MSI2: variants seen among roughly 807,000 people sequenced by gnomAD.
MSI2 encodes the protein musashi RNA binding protein 2.
In MSI2, 17 loss-of-function variants were observed where a neutral mutation model predicts 45.6. That is an observed-to-expected ratio of 0.37 (90% CI 0.26 to 0.56). The LOEUF (loss-of-function observed/expected upper bound fraction) is 0.56. Ranked by LOEUF, MSI2 falls within the 20% of genes least tolerant of loss-of-function variation. MSI2 has a pLI of 0.77. For synonymous variants in MSI2, 156 were observed against 158.2 expected, an observed-to-expected ratio of 0.99 and a Z score of 0.11; for missense variants, 293 against 444.2, an observed-to-expected ratio of 0.66 and a Z score of 3.06.
chr17:57,301,163 T>G (rs973146189), intron 5 of MSI2, among the ~76,000 whole-genome samples: 4 of 152,218 alleles, frequency 2.6e-5, no homozygotes, highest in Admixed American at 6.5e-5. Context: ...ACAGGGATTT[T>G]TCTAGAATAA....
intron 6 of MSI2, among the ~76,000 whole-genome samples, chr17:57,473,644 C>T (rs1019092945): frequency 4.6e-5 from 7 of 152,216 alleles, no homozygotes; most frequent in Non-Finnish European, 8.8e-5. Context: ...ATGCACTGGC[C>T]TCTCTTCCGG....
chr17:57,389,801 T>C (rs1434222072), intron 5 of MSI2, among the ~76,000 whole-genome samples: 1 of 152,224 alleles, frequency 6.6e-6, no homozygotes, highest in Non-Finnish European at 1.5e-5. Flanking sequence ...CTGTGACATA[T>C]AGGTATTGCC....
intron 5 of MSI2, among the ~76,000 whole-genome samples, chr17:57,340,518 G>C (rs1915047821): frequency 6.6e-6 from 1 of 152,218 alleles, no homozygotes; most frequent in Admixed American, 6.5e-5. Flanking sequence ...ATGAGAAATA[G>C]AGGGGCATTG....
At chr17:57,345,262 T>G (rs1282920537) in intron 5 of MSI2, among the ~76,000 whole-genome samples, 1 of 152,180 alleles carries the variant, frequency 6.6e-6, no homozygotes, top group Non-Finnish European at 1.5e-5. Context: ...TTTTCTTCCT[T>G]TTCCCTTCCC....
intron 6 of MSI2, among the ~76,000 whole-genome samples, chr17:57,466,529 C>T (rs566858435): frequency 9.9e-5 from 15 of 152,222 alleles, no homozygotes; most frequent in African/African-American, 3.6e-4. Flanking sequence ...TCTTGCCCAG[C>T]TCTTTTTTCC....
At chr17:57,691,735 T>A in the MSI2 span, among the ~76,000 whole-genome samples, 1 of 152,244 alleles carries the variant, frequency 6.6e-6, no homozygotes, top group Admixed American at 6.5e-5. Flanking sequence ...GCAGCTTTTT[T>A]ATAGATTCAT....
At chr17:57,383,668 T>A (rs370325180) in intron 5 of MSI2, among the ~76,000 whole-genome samples, 8 of 148,992 alleles carry the variant, frequency 5.4e-5, no homozygotes, top group African/African-American at 2.0e-4. Flanking sequence ...CTAAAAAAAA[T>A]AAAATAATAA....
intron 5 of MSI2, among the ~76,000 whole-genome samples, chr17:57,371,865 A>G (rs1366711770): frequency 2.0e-5 from 3 of 151,546 alleles, no homozygotes; most frequent in African/African-American, 7.3e-5. Flanking sequence ...GAGATTTTAC[A>G]TATAAATATA....
intron 6 of MSI2, among the ~76,000 whole-genome samples, chr17:57,419,145 C>T (rs1031522611): frequency 4.0e-5 from 6 of 149,148 alleles, no homozygotes; most frequent in Admixed American, 1.3e-4. Context: ...TCTGAAAATT[C>T]GTCATTTCTG....
At chr17:57,690,178 A>G in the MSI2 span, among the ~76,000 whole-genome samples, 1,032 of 149,746 alleles carry the variant, frequency 6.9e-3, 5 homozygotes, top group Non-Finnish European at 0.011. Flanking sequence ...AGTCATTCTA[A>G]TGAATTTGTA....
chr17:57,694,667 C>T, the MSI2 span, among the ~76,000 whole-genome samples: 3 of 152,222 alleles, frequency 2.0e-5, no homozygotes, highest in South Asian at 6.2e-4. Context: ...CATGCTAAAC[C>T]TATCACAGAT....
chr17:57,325,753 T>A (rs1913736640), intron 5 of MSI2, among the ~76,000 whole-genome samples: 1 of 152,238 alleles, frequency 6.6e-6, no homozygotes, highest in Admixed American at 6.5e-5. Context: ...CAGGGGGATT[T>A]TAGGAAAATG....
intron 5 of MSI2, among the ~76,000 whole-genome samples, chr17:57,338,040 G>A (rs377057805): frequency 5.9e-5 from 9 of 152,178 alleles, no homozygotes; most frequent in South Asian, 2.1e-4. Context: ...ATACAGATAC[G>A]TTTTAAATAT....
intron 5 of MSI2, among the ~76,000 whole-genome samples, chr17:57,354,754 G>A (rs1916295018): frequency 6.6e-6 from 1 of 152,116 alleles, no homozygotes; most frequent in Admixed American, 6.5e-5. Context: ...GAGCCTGGGA[G>A]CTTGTATTAA....
chr17:57,564,309 G>A (rs563324574), intron 7 of MSI2, among the ~76,000 whole-genome samples: 1 of 152,368 alleles, frequency 6.6e-6, no homozygotes, highest in African/African-American at 2.4e-5. Flanking sequence ...CTAGGAGCCA[G>A]TTAACAATGG....
chr17:57,580,620 G>A (rs570872979), intron 7 of MSI2, among the ~76,000 whole-genome samples: 57 of 152,326 alleles, frequency 3.7e-4, no homozygotes, highest in African/African-American at 1.3e-3. Context: ...CAATTTGGAT[G>A]GCTGGGAAAA....
At position 57,552,860 on chromosome 17, in the gene MSI2, A is replaced by G. The variant is rs1180334099; in HGVS notation, c.454+23136A>G. On this transcript the variant is annotated intron_variant, in intron 7 of 13. Coordinates refer to ENST00000284073, the MANE Select transcript of MSI2 (RefSeq NM_138962.4). This position sits in a 1 kb window ranked among gnomAD's most constrained non-coding sequence, Gnocchi z 4.3. The stretch of plus-strand genomic sequence containing the variant: ...GGGGACATAAATATAAACAACCCGG[A>G]AATCACTGCCCCTAGAATTCACAGA... Among the ~76,000 whole-genome samples, 1 of 152,198 alleles carries G rather than the reference A, an allele frequency of 6.6e-6. No homozygotes were observed. Among genetic ancestry groups the G allele is most frequent in the South Asian group, 2.1e-4 (1 of 4,828 alleles).
rs1240648462 is a variant in MSI2, at chr17:57,680,280, C to CT, written c.*770dup. ...TGAGTGTCCTCCTTTTCTATAAGTG[C>CT]TTTTTTTCTGTTGAAAGAGGTGATA... On this transcript the variant is annotated 3_prime_UTR_variant, in exon 14 of 14. Coordinates refer to ENST00000284073, the MANE Select transcript of MSI2 (RefSeq NM_138962.4). 8 of 227,882 alleles carry CT rather than the reference C, an allele frequency of 3.5e-5. No homozygotes were observed. The highest frequency in any genetic ancestry group is 6.1e-5 in the Non-Finnish European group (7 of 114,890). 14.1% of individuals were successfully genotyped at this position (227,882 alleles called of 1,614,324 possible).
chr17:57,620,117 G>A (rs949139586), intron 9 of MSI2, among the ~76,000 whole-genome samples: 6 of 152,214 alleles, frequency 3.9e-5, no homozygotes, highest in Non-Finnish European at 8.8e-5. Context: ...GCTCCAGCAA[G>A]GGAGGCCGTG....
Sources: gnomAD v4.1 joint callset for allele counts (sites outside exome capture counted in the v4.1 genomes callset) on GRCh38, gnomAD v4.1.1 for gene constraint, Gnocchi (gnomAD v3.1) non-coding constraint, MANE v1.5 for transcripts, NCBI Gene and HGNC (gene_info 2026-07-23, HGNC 2026-07-21) for gene names.